The following SKOR2 variants were observed in gnomAD, a reference collection of about 807,000 sequenced individuals.
SKOR2 encodes LBX1 corepressor 1-like protein.
SKOR2 carries 47 observed loss-of-function variants against 69.1 expected under a neutral mutation model. That is an observed-to-expected ratio of 0.68 (90% CI 0.54 to 0.87). The LOEUF (loss-of-function observed/expected upper bound fraction) is 0.87, where lower values mean the gene tolerates loss of function less well. Ranked by LOEUF, SKOR2 falls within the 40% of genes least tolerant of loss-of-function variation. The probability of loss-of-function intolerance (pLI) is 0.00; values close to 1 mark genes in which losing one functional copy is unlikely to be tolerated. For missense variants in SKOR2, 1,404 were observed against 1,472.2 expected (o/e 0.95, Z 0.76); for synonymous variants, 717 against 672.6 (o/e 1.07, Z -1.02).
Position 47,221,089 on chromosome 18 carries a change from T to C in SKOR2, c.2918-1079A>G, listed in dbSNP as rs375879546. Among the ~76,000 whole-genome samples, 14 of 152,306 alleles carry C rather than the reference T, an allele frequency of 9.2e-5. No homozygotes were observed. The East Asian group carries it at 1.5e-3, about 17-fold the overall frequency. On this transcript the variant is annotated intron_variant, in intron 6 of 8. Coordinates refer to ENST00000425639, the MANE Select transcript of SKOR2 (RefSeq NM_001278063.4). ...AAAATCTCCAATGGCTTTCCAACAC[T>C]TTCAGGATAGTAAATCCTTTACCAC...
intron 7 of SKOR2, 94 bp from the exon 8 acceptor site, chr18:47,212,245 G>T: frequency 9.0e-7 from 1 of 1,112,428 alleles, no homozygotes; most frequent in Non-Finnish European, 1.1e-6. Flanking sequence ...CAATTTGAAT[G>T]CCAATAGATC....
chr18:47,247,378 G>T lies in SKOR2; in HGVS notation c.1806C>A (p.Pro602=). Residue 602 remains proline (P), a synonymous_variant, in exon 2 of 9, where the codon CCC becomes CCA. Coordinates refer to ENST00000425639, the MANE Select transcript of SKOR2 (RefSeq NM_001278063.4). The surrounding 1 kb of genome is among the most constrained non-coding windows in gnomAD (Gnocchi z 6.6). ...SGPAGSRVPA[P]HHPHLLEGRK... ...GCCCCTCCAGAAGGTGCGGATGGTG[G>T]GGCGCCGGAACCCGGGAGCCCGCGG... is the stretch of plus-strand genomic sequence containing the variant. 1 of 1,412,508 alleles carries T rather than the reference G, an allele frequency of 7.1e-7. No homozygotes were observed. Among genetic ancestry groups the T allele is most frequent in the African/African-American group, 1.5e-5 (1 of 67,186 alleles). 87.5% of individuals were successfully genotyped at this position (1,412,508 alleles called of 1,614,324 possible).
In SKOR2 at chr18:47,218,970, A is replaced by T. The variant is rs2064152705; in HGVS notation, c.2985+973T>A. ...ATGACCCTTAGGAATCTCCACTAAC[A>T]CTGGCATGATTTCTCCAATGAATGG... On this transcript the variant is annotated intron_variant, in intron 7 of 8. Transcript: ENST00000425639. Among the ~76,000 whole-genome samples the T allele has an allele frequency of 1.3e-5, 2 of 152,212 alleles. 1 individual carries two copies. Among genetic ancestry groups the T allele is most frequent in the South Asian group, 4.1e-4 (2 of 4,828 alleles).
intron 1 of SKOR2, among the ~76,000 whole-genome samples, chr18:47,249,507 C>A (rs1277221462): frequency 6.6e-6 from 1 of 152,178 alleles, no homozygotes; most frequent in Admixed American, 6.5e-5. Flanking sequence ...AAACCTAAGA[C>A]CTTATCCCGG....
intron 7 of SKOR2, among the ~76,000 whole-genome samples, chr18:47,215,268 T>C (rs1000068989): frequency 5.3e-5 from 8 of 152,194 alleles, no homozygotes; most frequent in African/African-American, 1.9e-4. Flanking sequence ...GATCTCCTTT[T>C]GATGCATATT....
rs2064292443 is a variant in SKOR2, at chr18:47,248,242, G to A, written c.942C>T (p.Asp314=). 2 of 1,224,004 alleles carry A rather than the reference G, an allele frequency of 1.6e-6. No individual in the cohort carries two copies. Among genetic ancestry groups the A allele is most frequent in the Non-Finnish European group, 2.0e-6 (2 of 984,474 alleles). The allele number at this position is 1,224,004 out of a possible 1,614,324, so 75.8% of individuals were successfully genotyped here. The change falls in exon 2 of 9, where the codon GAC becomes GAT. Residue 314 remains aspartate, a synonymous_variant. Transcript: ENST00000425639. This position sits in a 1 kb window ranked among gnomAD's most constrained non-coding sequence, Gnocchi z 6.4. ...CGGCGGCCTCCTGCAAGGAGTCGTC[G>A]TCGTCGTCGAAGCGCGGCCGCTTGT... ...AHHKRPRFDD[D]DDSLQEAAVV... is the part of the protein sequence containing the mutation.
At position 47,240,584 on chromosome 18, in the gene SKOR2, C is replaced by T. The variant is rs190694179; in HGVS notation, c.2752+4324G>A. ...TATCTGCTGTATGTAAGGTTAATGA[C>T]CATTAACAGGGAGGTTTTAAAAAAA... On this transcript the variant is annotated intron_variant, in intron 4 of 8. Coordinates refer to ENST00000425639, the MANE Select transcript of SKOR2 (RefSeq NM_001278063.4). 5.0e-4 allele frequency among the ~76,000 whole-genome samples: 76 copies of T among 152,020 alleles called. No individual in the cohort carries two copies. In the East Asian group the frequency reaches 8.5e-3, roughly 17 times the overall value.
chr18:47,227,166 C>A (rs2064181357), intron 6 of SKOR2, among the ~76,000 whole-genome samples: 1 of 151,828 alleles, frequency 6.6e-6, no homozygotes, highest in Non-Finnish European at 1.5e-5. Flanking sequence ...CTTCTTCCTC[C>A]TTTCCTGCCT....
chr18:47,210,457 A>T (rs2064124688), intron 8 of SKOR2, among the ~76,000 whole-genome samples: 1 of 152,182 alleles, frequency 6.6e-6, no homozygotes. Context: ...GGTTATTTTT[A>T]AAAACATCCT....
At chr18:47,213,983 A>C (rs2064135954) in intron 7 of SKOR2, among the ~76,000 whole-genome samples, 1 of 152,220 alleles carries the variant, frequency 6.6e-6, no homozygotes, top group Non-Finnish European at 1.5e-5. Flanking sequence ...ATGGAATTCC[A>C]TTATTTAGGA....
rs757412756 is a variant in SKOR2, at chr18:47,244,982, T to C, written c.2678A>G (p.Asp893Gly). ...VSTKDDNSFS[D>G]KNKEHSFFIT... ...GAAAAAGCTATGCTCCTTGTTCTTA[T>C]CTAGAACCAAAACAAAACACAAAAT... Residue 893 changes from aspartate to glycine, a missense_variant and splice_region_variant, in exon 4 of 9, where the codon GAT becomes GGT. Physicochemically the swap from Asp to Gly is moderately conservative, Grantham distance 94 (BLOSUM62 -1). Transcript: ENST00000425639. 39 of 1,534,088 alleles carry C rather than the reference T, an allele frequency of 2.5e-5. No homozygotes were observed. The highest frequency in any genetic ancestry group is 5.5e-5 in the African/African-American group (4 of 72,874).
intron 7 of SKOR2, among the ~76,000 whole-genome samples, chr18:47,217,211 G>T (rs527386348): frequency 6.6e-6 from 1 of 152,182 alleles, no homozygotes; most frequent in Non-Finnish European, 1.5e-5. Flanking sequence ...GTACTACTTT[G>T]AGAAGGGCCA....
intron 7 of SKOR2, among the ~76,000 whole-genome samples, chr18:47,218,777 T>G (rs1382557776): frequency 6.6e-6 from 1 of 152,146 alleles, no homozygotes; most frequent in Non-Finnish European, 1.5e-5. Context: ...AGAATGGGAA[T>G]TTGTTATTAA....
intron 6 of SKOR2, among the ~76,000 whole-genome samples, chr18:47,222,576 G>A (rs563636471): frequency 5.9e-5 from 9 of 152,228 alleles, no homozygotes; most frequent in Non-Finnish European, 1.3e-4. Context: ...TTGGTCCTGC[G>A]CTGTGGCCCG....
intron 4 of SKOR2, among the ~76,000 whole-genome samples, chr18:47,244,683 G>C (rs192314978): frequency 2.2e-4 from 33 of 152,212 alleles, no homozygotes; most frequent in Admixed American, 7.8e-4. Flanking sequence ...GTTTCATTGT[G>C]TAACCTGATA....
chr18:47,212,533 A>G (rs1387474568), intron 7 of SKOR2, among the ~76,000 whole-genome samples: 1 of 152,242 alleles, frequency 6.6e-6, no homozygotes, highest in Non-Finnish European at 1.5e-5. Context: ...ATGCTTACAA[A>G]CTAGTTTAAT....
At chr18:47,235,309 C>T (rs1009372830) in intron 4 of SKOR2, among the ~76,000 whole-genome samples, 1 of 151,978 alleles carries the variant, frequency 6.6e-6, no homozygotes, top group Non-Finnish European at 1.5e-5. Context: ...GTCATCATTG[C>T]ACCACTGGCC....
In SKOR2 at chr18:47,248,697, G is replaced by T; in HGVS notation, c.487C>A (p.Arg163Ser). 1 of 1,562,914 alleles carries T rather than the reference G, an allele frequency of 6.4e-7. No individual in the cohort carries two copies. The highest frequency in any genetic ancestry group is 8.6e-7 in the Non-Finnish European group (1 of 1,160,530). The change falls in exon 2 of 9, where the codon CGC becomes AGC. Residue 163 changes from arginine to serine, a missense_variant. Physicochemically the swap from Arg to Ser is moderately radical, Grantham distance 110. Around this residue, in one of 3 missense-constraint regions of SKOR2, gnomAD observed 1,266 missense variants for 1,309.9 expected, o/e 0.97. Transcript: ENST00000425639. This position sits in a 1 kb window ranked among gnomAD's most constrained non-coding sequence, Gnocchi z 6.4. ...WGCRGSFIPA[R>S]YNSSRAKCIK... is the part of the protein sequence containing the mutation. The stretch of plus-strand genomic sequence containing the variant: ...CACTTGGCGCGCGAGCTGTTGTAGC[G>T]CGCGGGAATGAAGCTGCCGCGGCAG...
chr18:47,211,932 C>A (rs2064129084), intron 8 of SKOR2, among the ~76,000 whole-genome samples, 154 bp downstream of exon 8: 2 of 152,098 alleles, frequency 1.3e-5, no homozygotes, highest in South Asian at 4.1e-4. Context: ...AAGTCCCATC[C>A]CCAGACATAA....
Sources: allele counts gnomAD v4.1 joint callset (sites outside exome capture counted in the v4.1 genomes callset), GRCh38; gene constraint gnomAD v4.1.1; regional missense constraint gnomAD v4.1.1; non-coding constraint Gnocchi (gnomAD v3.1); transcripts MANE v1.5; gene names NCBI Gene and HGNC (gene_info 2026-07-23, HGNC 2026-07-21).